Variants in MCTP1 observed in about 807,000 individuals in gnomAD.
MCTP1 encodes multiple C2 and transmembrane domain containing 1, also known as multiple C2 and transmembrane domain-containing protein 1.
MCTP1 carries 69 observed loss-of-function variants against 120.6 expected under a neutral mutation model. The observed-to-expected ratio is 0.57, with a 90% CI of 0.47 to 0.70. The LOEUF (loss-of-function observed/expected upper bound fraction) is 0.70. Among genes scored for constraint, MCTP1 ranks in the 30% least tolerant of loss-of-function variants. MCTP1 has a pLI of 0.00. For synonymous variants in MCTP1, 529 were observed against 493.1 expected (o/e 1.07, Z -0.96); for missense variants, 1,203 against 1,248.8 (o/e 0.96, Z 0.55).
intron 1 of MCTP1, among the ~76,000 whole-genome samples, chr5:95,044,835 C>T (rs1049947079): frequency 6.6e-6 from 1 of 151,936 alleles, no homozygotes; most frequent in South Asian, 2.1e-4. Flanking sequence ...AGTCCGAGCC[C>T]CCGTCATCCC....
chr5:94,968,506 A>G (rs1421205165), intron 2 of MCTP1, among the ~76,000 whole-genome samples: 1 of 152,174 alleles, frequency 6.6e-6, no homozygotes, highest in Admixed American at 6.5e-5. Context: ...TTTACAGTGG[A>G]TTTAAATAAT....
chr5:94,798,568 A>T (rs1780546106), intron 18 of MCTP1, among the ~76,000 whole-genome samples: 1 of 152,126 alleles, frequency 6.6e-6, no homozygotes, highest in Non-Finnish European at 1.5e-5. Flanking sequence ...ATACATTTCC[A>T]GGTCAACAAC....
intron 1 of MCTP1, among the ~76,000 whole-genome samples, chr5:95,029,670 C>T (rs1256922450): frequency 1.3e-5 from 2 of 152,190 alleles, no homozygotes; most frequent in Admixed American, 6.5e-5. Flanking sequence ...TCCGGACAGC[C>T]AGACTGTTGG....
chr5:94,948,553 A>T (rs1819698339), intron 3 of MCTP1, among the ~76,000 whole-genome samples: 1 of 152,156 alleles, frequency 6.6e-6, no homozygotes, highest in Non-Finnish European at 1.5e-5. Flanking sequence ...AGATAATACA[A>T]ACATCTTACT....
At chr5:95,045,079 C>T (rs930184439) in intron 1 of MCTP1, among the ~76,000 whole-genome samples, 1 of 152,168 alleles carries the variant, frequency 6.6e-6, no homozygotes, top group Non-Finnish European at 1.5e-5. Flanking sequence ...CTCCAGCTAC[C>T]TTCCCCCTCA....
chr5:94,905,301 A>G (rs901741210), intron 10 of MCTP1, among the ~76,000 whole-genome samples: 4 of 152,250 alleles, frequency 2.6e-5, no homozygotes, highest in Non-Finnish European at 4.4e-5. Context: ...GCAAAGTCTT[A>G]TAGGCCACTG....
Position 94,888,952 on chromosome 5 carries a change from G to C in MCTP1, c.1860C>G (p.His620Gln). 6.2e-7 allele frequency: 1 copy of C among 1,613,520 alleles called. No individual in the cohort carries two copies. Among genetic ancestry groups the C allele is most frequent in the Non-Finnish European group, 8.5e-7 (1 of 1,179,472 alleles). ...LKRYSPLRIF[H>Q]NLKDVGFLQV... ...GGAGAAATCCCACATCTTTCAGGTT[G>C]TGAAATATCCTCAATGGGCTCTGAA... The change falls in exon 12 of 23, where the codon CAC (histidine) becomes CAG (glutamine). Residue 620 changes from histidine (H) to glutamine (Q), a missense_variant. Coordinates refer to ENST00000515393, the MANE Select transcript of MCTP1 (RefSeq NM_024717.7).
intron 10 of MCTP1, among the ~76,000 whole-genome samples, chr5:94,906,212 C>T (rs1365439888): frequency 2.6e-5 from 4 of 152,032 alleles, no homozygotes; most frequent in Non-Finnish European, 5.9e-5. Flanking sequence ...GGGCTGGGCG[C>T]AGTGGCTCAC....
chr5:94,962,371 A>G (rs148977709), intron 2 of MCTP1, among the ~76,000 whole-genome samples: 301 of 151,938 alleles, frequency 2.0e-3, no homozygotes, highest in Non-Finnish European at 2.7e-3. Context: ...ACAATTTGCT[A>G]TCGCAGAAAT....
At chr5:95,037,595 G>T (rs182007443) in intron 1 of MCTP1, among the ~76,000 whole-genome samples, 2 of 152,320 alleles carry the variant, frequency 1.3e-5, no homozygotes, top group East Asian at 3.9e-4. Context: ...GCCAGGTGCA[G>T]TGGCTAACGT....
At chr5:95,194,675 C>A (rs914731926) in intron 1 of MCTP1, among the ~76,000 whole-genome samples, 3 of 152,100 alleles carry the variant, frequency 2.0e-5, no homozygotes, top group Non-Finnish European at 2.9e-5. Context: ...ATGACACCCA[C>A]GTGAAAGAAA....
intron 2 of MCTP1, among the ~76,000 whole-genome samples, chr5:94,958,046 A>G (rs538145385): frequency 2.0e-5 from 3 of 152,236 alleles, no homozygotes; most frequent in Non-Finnish European, 4.4e-5. Flanking sequence ...AATGCAAAAG[A>G]ACAGAAATTA....
At chr5:94,906,009 GA>G (rs35652180) in intron 10 of MCTP1, among the ~76,000 whole-genome samples, 19,516 of 152,108 alleles carry the variant, frequency 0.13, 1,327 homozygotes, top group African/African-American at 0.14. Flanking sequence ...GAAGGCAAGC[GA>G]AAAATGTGTT....
intron 1 of MCTP1, among the ~76,000 whole-genome samples, chr5:95,248,069 C>T (rs1425298942): frequency 6.6e-6 from 1 of 152,146 alleles, no homozygotes; most frequent in Non-Finnish European, 1.5e-5. Flanking sequence ...CAATATTATA[C>T]TGAATGGGCA....
chr5:95,231,070 T>C (rs2152648384), intron 1 of MCTP1, among the ~76,000 whole-genome samples: 1 of 152,338 alleles, frequency 6.6e-6, no homozygotes, highest in Middle Eastern at 3.4e-3. Flanking sequence ...TTGTTTTCAG[T>C]AATCATTTTA....
intron 1 of MCTP1, among the ~76,000 whole-genome samples, chr5:95,137,227 G>A (rs910604935): frequency 9.9e-5 from 15 of 152,210 alleles, no homozygotes; most frequent in Non-Finnish European, 1.9e-4. Flanking sequence ...TTCGGGGGAA[G>A]TATAACCTAG....
At chr5:94,838,725 G>GACA (rs1241064909) in intron 17 of MCTP1, among the ~76,000 whole-genome samples, 1 of 152,164 alleles carries the variant, frequency 6.6e-6, no homozygotes, top group Non-Finnish European at 1.5e-5. Context: ...ATGTTGAGTG[G>GACA]ACAAATAAAT....
intron 1 of MCTP1, among the ~76,000 whole-genome samples, chr5:95,173,830 T>TA (rs571449843): frequency 0.022 from 2,905 of 134,178 alleles, 83 homozygotes; most frequent in African/African-American, 0.072. Context: ...GGAGAATACT[T>TA]AAAAAAAAAA....
intron 1 of MCTP1, among the ~76,000 whole-genome samples, chr5:95,280,834 G>A (rs769397390): frequency 5.9e-5 from 9 of 152,096 alleles, no homozygotes; most frequent in Non-Finnish European, 7.4e-5. Flanking sequence ...ATATATACCC[G>A]TGACTCCCAA....
Sources: allele counts gnomAD v4.1 joint callset (sites outside exome capture counted in the v4.1 genomes callset), GRCh38; gene constraint gnomAD v4.1.1; transcripts MANE v1.5; gene names NCBI Gene and HGNC (gene_info 2026-07-23, HGNC 2026-07-21).